PPP6R1: variants seen among roughly 807,000 people sequenced by gnomAD.
The protein encoded by PPP6R1 is protein phosphatase 6 regulatory subunit 1, also known as serine/threonine-protein phosphatase 6 regulatory subunit 1.
A neutral mutation model predicts 104.6 loss-of-function variants in PPP6R1; 39 were observed. The ratio of observed to expected loss-of-function variants is 0.37; its 90% CI spans 0.29 to 0.49. The LOEUF (loss-of-function observed/expected upper bound fraction) is 0.49. PPP6R1 is among the 20% of genes least tolerant of loss of function. PPP6R1 has a pLI of 0.98. For missense variants in PPP6R1, 1,181 were observed against 1,155.8 expected (o/e 1.02, Z -0.32); for synonymous variants, 549 against 479.0 (o/e 1.15, Z -1.91).
chr19:55,251,446 G>A lies in PPP6R1; in HGVS notation c.-6-4337C>T, dbSNP rs545811919. On this transcript the variant is annotated intron_variant, in intron 1 of 23. Coordinates refer to ENST00000412770, the MANE Select transcript of PPP6R1 (RefSeq NM_014931.4). Reference sequence around the variant, plus strand: ...GACGAAGTGAAATCACTCCCACTCCGGCCCCTCCCAGCCACTCCTACGGGG... The same window carrying A: ...GACGAAGTGAAATCACTCCCACTCCAGCCCCTCCCAGCCACTCCTACGGGG... Among the ~76,000 whole-genome samples, 13 of 152,270 alleles carry A rather than the reference G, an allele frequency of 8.5e-5. No individual in the cohort carries two copies. In the South Asian group the frequency reaches 1.9e-3, roughly 22 times the overall value.
intron 5 of PPP6R1, among the ~76,000 whole-genome samples, chr19:55,244,039 T>C (rs1036274763): frequency 6.6e-6 from 1 of 152,174 alleles, no homozygotes; most frequent in African/African-American, 2.4e-5. Flanking sequence ...GTGAGTGGTA[T>C]GCTGTGCAAT....
intron 1 of PPP6R1, among the ~76,000 whole-genome samples, chr19:55,250,434 G>T (rs1417281597): frequency 6.6e-6 from 1 of 152,168 alleles, no homozygotes; most frequent in African/African-American, 2.4e-5. Context: ...GAATGAGCGA[G>T]TTCCCGCTGA....
downstream of PPP6R1, chr19:55,228,326 G>A (rs2087304169): frequency 1.2e-6 from 2 of 1,613,934 alleles, no homozygotes; most frequent in Non-Finnish European, 8.5e-7. Flanking sequence ...AGGACGGGCA[G>A]GCACTTGACC....
intron 12 of PPP6R1, 36 bp from the exon 13 acceptor site, chr19:55,239,947 T>C (rs767524290): frequency 6.2e-7 from 1 of 1,612,758 alleles, no homozygotes; most frequent in African/African-American, 1.3e-5. Flanking sequence ...GTGAGGCATC[T>C]CGGGGCTTCA....
chr19:55,230,735 C>CCCCCCCCG, intron 22 of PPP6R1, 39 bp downstream of exon 22: 1 of 1,470,914 alleles, frequency 6.8e-7, no homozygotes, highest in Non-Finnish European at 9.1e-7. Flanking sequence ...CCCCACCAGC[C>CCCCCCCCG]CCACCCCCAC....
At chr19:55,250,016 C>T (rs561292782) in intron 1 of PPP6R1, among the ~76,000 whole-genome samples, 3 of 152,316 alleles carry the variant, frequency 2.0e-5, no homozygotes, top group South Asian at 4.1e-4. Flanking sequence ...CATGCCACCT[C>T]GCCAGTGCTC....
At chr19:55,254,545 G>A (rs1057218745) in intron 1 of PPP6R1, among the ~76,000 whole-genome samples, 3 of 152,120 alleles carry the variant, frequency 2.0e-5, no homozygotes, top group Non-Finnish European at 2.9e-5. Context: ...TGCCGCCAGG[G>A]AACCGGTGGG....
At chr19:55,246,323 G>A (rs1170955088) in intron 2 of PPP6R1, among the ~76,000 whole-genome samples, 1 of 151,924 alleles carries the variant, frequency 6.6e-6, no homozygotes, top group Non-Finnish European at 1.5e-5. Context: ...TACTTAGGAG[G>A]GTGAGGCAGG....
intron 17 of PPP6R1, among the ~76,000 whole-genome samples, chr19:55,234,055 T>C (rs1366115641): frequency 1.3e-5 from 2 of 152,226 alleles, no homozygotes; most frequent in Non-Finnish European, 2.9e-5. Flanking sequence ...GTTCAAGCGA[T>C]ATTCCTGCCT....
Position 55,241,194 on chromosome 19 carries a change from C to T in PPP6R1, c.1161+45G>A, listed in dbSNP as rs754431358. The T allele has an allele frequency of 7.7e-7, 1 of 1,302,188 alleles. No individual in the cohort carries two copies. Among genetic ancestry groups the T allele is most frequent in the Non-Finnish European group, 1.0e-6 (1 of 993,370 alleles). 80.7% of individuals were successfully genotyped at this position (1,302,188 alleles called of 1,614,324 possible). A position where few individuals can be genotyped will look rare whatever the true frequency, so the allele number is the denominator to read the frequency against. ...CCCCGAACCCTCAGCCCAGTCCAGT[C>T]CCCGCCCCAGCCCCTGAACCCCCAG... On this transcript the variant is annotated intron_variant, in intron 9 of 23. Coordinates refer to ENST00000412770, the MANE Select transcript of PPP6R1 (RefSeq NM_014931.4). This position sits in a 1 kb window ranked among gnomAD's most constrained non-coding sequence, Gnocchi z 5.4.
rs570628345 is a variant in PPP6R1, at chr19:55,237,751, C to T, written c.1752-781G>A. Among the ~76,000 whole-genome samples, 5 of 152,354 alleles carry T rather than the reference C, an allele frequency of 3.3e-5. No homozygotes were observed. The East Asian group carries it at 5.8e-4, about 18-fold the overall frequency. ...CTGAGAAGCAGCGGAGCAGAGACCA[C>T]GCTGGGCACACAGTGGGTCTAGGGC... On this transcript the variant is annotated intron_variant, in intron 15 of 23. Transcript: ENST00000412770.
intron 22 of PPP6R1, 30 bp from the exon 23 acceptor site, chr19:55,230,714 G>T: frequency 3.9e-6 from 6 of 1,530,596 alleles, no homozygotes; most frequent in Non-Finnish European, 5.3e-6. Context: ...ATGTGCAGAG[G>T]TCACTTCCTG....
Position 55,241,005 on chromosome 19 carries a change from G to A in PPP6R1, c.1236C>T (p.Ser412=). ...GGCTGCTGTCAGGAGGTGGCCCCAA[G>A]CTCAGCATGGTGCTCACGCATCCCT... ...QVEGCVSTML[S]LGPPPDSSPE... Residue 412 remains serine, a synonymous_variant, in exon 10 of 24, where the codon AGC becomes AGT. Coordinates refer to ENST00000412770, the MANE Select transcript of PPP6R1 (RefSeq NM_014931.4). The surrounding 1 kb of genome is among the most constrained non-coding windows in gnomAD (Gnocchi z 5.4). 1 of 1,592,348 alleles carries A rather than the reference G, an allele frequency of 6.3e-7. No homozygotes were observed. The highest frequency in any genetic ancestry group is 1.3e-5 in the African/African-American group (1 of 74,582).
At chr19:55,228,223 G>C (rs2087302166), downstream of PPP6R1, 1 of 1,611,868 alleles carries the variant, frequency 6.2e-7, no homozygotes. Flanking sequence ...GATGAGGCAA[G>C]CGTCCCCCAC....
chr19:55,239,762 G>A (rs1268917679), intron 13 of PPP6R1, 64 bp downstream of exon 13: 12 of 1,591,954 alleles, frequency 7.5e-6, no homozygotes, highest in Non-Finnish European at 1.0e-5. Context: ...GGCGGTGGGA[G>A]GCTAAGACTG....
chr19:55,248,593 C>T (rs1237843147), intron 1 of PPP6R1, among the ~76,000 whole-genome samples: 1 of 152,240 alleles, frequency 6.6e-6, no homozygotes. Context: ...CTCCAATGCC[C>T]TTCTGCAGCT....
chr19:55,244,181 A>T lies in PPP6R1; in HGVS notation c.618+939T>A, dbSNP rs145088526. The stretch of plus-strand genomic sequence containing the variant: ...CATGCCTCAGGGTCCTCACAGGGAC[A>T]GGCCCCAGCCTGGGTGAGCCCAGAG... On this transcript the variant is annotated intron_variant, in intron 5 of 23. Transcript: ENST00000412770. Among the ~76,000 whole-genome samples, 105 of 152,318 alleles carry T rather than the reference A, an allele frequency of 6.9e-4. 1 individual carries two copies. Among genetic ancestry groups the T allele is most frequent in the African/African-American group, 2.2e-3 (93 of 41,578 alleles).
At chr19:55,235,844 T>C (rs899269243) in intron 17 of PPP6R1, among the ~76,000 whole-genome samples, 7 of 145,438 alleles carry the variant, frequency 4.8e-5, no homozygotes, top group African/African-American at 1.8e-4. Flanking sequence ...TTGATTCTTT[T>C]TTTTTTTTTT....
At position 55,230,702 on chromosome 19, in the gene PPP6R1, G is replaced by T; in HGVS notation, c.2571-18C>A. 6.4e-7 allele frequency: 1 copy of T among 1,562,934 alleles called. No individual in the cohort carries two copies. Among genetic ancestry groups the T allele is most frequent in the South Asian group, 1.2e-5 (1 of 84,872 alleles). ...CCTGGGCACTGTCAGGGGAGAGAGG[G>T]GATGTGCAGAGGTCACTTCCTGCCC... On this transcript the variant is annotated intron_variant, in intron 22 of 23. Transcript: ENST00000412770.
Sources: gnomAD v4.1 joint callset for allele counts (sites outside exome capture counted in the v4.1 genomes callset) on GRCh38, gnomAD v4.1.1 for gene constraint, Gnocchi (gnomAD v3.1) non-coding constraint, MANE v1.5 for transcripts, NCBI Gene and HGNC (gene_info 2026-07-23, HGNC 2026-07-21) for gene names.